The following SORCS2 variants were observed in gnomAD, a reference collection of about 807,000 sequenced individuals.
SORCS2 encodes VPS10 domain-containing receptor SorCS2.
Under a neutral mutation model 141.6 loss-of-function variants are expected in SORCS2, and 100 were observed. The ratio of observed to expected loss-of-function variants is 0.71; its 90% CI spans 0.60 to 0.83. The LOEUF is 0.83. SORCS2 is among the 40% of genes least tolerant of loss of function. The pLI is 0.00. For synonymous variants in SORCS2, 789 were observed against 676.9 expected, an observed-to-expected ratio of 1.17 and a Z score of -2.57; for missense variants, 1,646 against 1,560.2, an observed-to-expected ratio of 1.05 and a Z score of -0.93.
intron 2 of SORCS2, among the ~76,000 whole-genome samples, chr4:7,473,000 A>G (rs998648798): frequency 6.6e-6 from 1 of 152,052 alleles, no homozygotes; most frequent in Admixed American, 6.5e-5. Context: ...CAAAAATGGT[A>G]TGGAGCCCCT....
At chr4:7,306,338 A>C (rs1717831313) in intron 1 of SORCS2, among the ~76,000 whole-genome samples, 1 of 151,984 alleles carries the variant, frequency 6.6e-6, no homozygotes, top group Non-Finnish European at 1.5e-5. Context: ...ATCTGGAAGG[A>C]AGTCCAGAGT....
chr4:7,516,608 C>A (rs918699990), intron 2 of SORCS2, among the ~76,000 whole-genome samples: 1 of 151,284 alleles, frequency 6.6e-6, no homozygotes, highest in African/African-American at 2.5e-5. Flanking sequence ...TGGTGGAATG[C>A]CCTGGCCTTT....
intron 25 of SORCS2, among the ~76,000 whole-genome samples, chr4:7,736,169 G>A (rs528945011): frequency 2.2e-4 from 34 of 152,354 alleles, no homozygotes; most frequent in African/African-American, 7.5e-4. Flanking sequence ...GCTGGGCTGG[G>A]CAGCACTGAC....
At chr4:7,536,843 GGC>G (rs199853883) in intron 3 of SORCS2, among the ~76,000 whole-genome samples, 100,482 of 142,132 alleles carry the variant, frequency 0.71, 37,817 homozygotes, top group South Asian at 0.9. Context: ...GGGGGGGGGG[GGC>G]GGGCAGGGCC....
In SORCS2 at chr4:7,531,581, C is replaced by G. The variant is rs150440148; in HGVS notation, c.600C>G (p.Val200=). 1.2e-3 allele frequency: 1,876 copies of G among 1,613,900 alleles called. 20 individuals carry two copies. The African/African-American group carries it at 0.022, about 19-fold the overall frequency. Reference sequence around the variant, plus strand: ...CCAAGCTCACCCTCCAGCCTGGTGTCACCACCGTCATCGACAATTTCTACA... The same window carrying G: ...CCAAGCTCACCCTCCAGCCTGGTGTGACCACCGTCATCGACAATTTCTACA... ...SYTKLTLQPG[V]TTVIDNFYIC... The change falls in exon 3 of 27, where the codon GTC becomes GTG. Residue 200 remains valine (V), a synonymous_variant. Coordinates refer to ENST00000507866, the MANE Select transcript of SORCS2 (RefSeq NM_020777.3).
intron 2 of SORCS2, among the ~76,000 whole-genome samples, chr4:7,491,966 C>G (rs1268081970): frequency 5.3e-5 from 8 of 152,210 alleles, no homozygotes; most frequent in Non-Finnish European, 1.0e-4. Context: ...ACCACCCTTT[C>G]CATCCAGTCT....
At chr4:7,418,713 CA>C (rs1167253811) in intron 2 of SORCS2, among the ~76,000 whole-genome samples, 1,417 of 50,648 alleles carry the variant, frequency 0.028, 38 homozygotes, top group African/African-American at 0.071. Flanking sequence ...CCCCCCCCCC[CA>C]CCAGATTTGT....
At chr4:7,202,744 A>G (rs1242401836) in intron 1 of SORCS2, among the ~76,000 whole-genome samples, 2 of 152,194 alleles carry the variant, frequency 1.3e-5, no homozygotes, top group African/African-American at 4.8e-5. Context: ...TGCCGTGCAT[A>G]TTTCTGAAGC....
At chr4:7,620,438 A>G (rs1719087340) in intron 3 of SORCS2, among the ~76,000 whole-genome samples, 1 of 152,124 alleles carries the variant, frequency 6.6e-6, no homozygotes, top group Non-Finnish European at 1.5e-5. Context: ...AGCCCTGGCC[A>G]TTCACCCCCA....
intron 3 of SORCS2, among the ~76,000 whole-genome samples, chr4:7,603,953 T>C (rs980871396): frequency 6.6e-6 from 1 of 152,116 alleles, no homozygotes; most frequent in Non-Finnish European, 1.5e-5. Context: ...AAATAAAAAC[T>C]TACTAAGTTT....
At chr4:7,307,098 A>C (rs1203373377) in intron 1 of SORCS2, among the ~76,000 whole-genome samples, 1 of 152,106 alleles carries the variant, frequency 6.6e-6, no homozygotes, top group Non-Finnish European at 1.5e-5. Flanking sequence ...CTGGGGAGAG[A>C]CTAAAAGCTT....
intron 1 of SORCS2, among the ~76,000 whole-genome samples, chr4:7,387,465 A>C (rs1723452560): frequency 6.7e-6 from 1 of 149,126 alleles, no homozygotes; most frequent in Non-Finnish European, 1.5e-5. Flanking sequence ...ACACACAGAT[A>C]CAGAGATACA....
chr4:7,454,759 ACTGTGTTGGGGTCAGTG>A (rs1728755283), intron 2 of SORCS2, among the ~76,000 whole-genome samples: 1 of 73,240 alleles, frequency 1.4e-5, no homozygotes. Context: ...GGGGTCAGGC[ACTGTGTTGGGGTCAGTG>A]CTGTGTGTTG....
intron 3 of SORCS2, among the ~76,000 whole-genome samples, chr4:7,599,908 C>T (rs184147449): frequency 2.6e-5 from 4 of 151,786 alleles, no homozygotes; most frequent in East Asian, 1.9e-4. Flanking sequence ...ACTACAGCCT[C>T]CGCCTCCCAA....
intron 4 of SORCS2, among the ~76,000 whole-genome samples, chr4:7,650,044 G>A (rs1019658965): frequency 3.3e-5 from 5 of 152,200 alleles, no homozygotes; most frequent in Non-Finnish European, 5.9e-5. Flanking sequence ...GTCGGCTTGA[G>A]CCTTCCTTCC....
intron 1 of SORCS2, among the ~76,000 whole-genome samples, chr4:7,249,190 G>A (rs1713318348): frequency 6.6e-6 from 1 of 152,182 alleles, no homozygotes; most frequent in South Asian, 2.1e-4. Context: ...AGTCCTTTGA[G>A]GCTCAACCGG....
In SORCS2 at chr4:7,706,188, C is replaced by T. The variant is rs1247070337; in HGVS notation, c.1868+1904C>T. On this transcript the variant is annotated intron_variant, in intron 14 of 26. Transcript: ENST00000507866. ...TCTGGGCAGGGATGAGGCTGGGCTC[C>T]GTCTGGGCAGGGATGAGGCTGGGCT... 2.1e-3 allele frequency among the ~76,000 whole-genome samples: 152 copies of T among 71,244 alleles called. 1 individual carries two copies. The highest frequency in any genetic ancestry group is 3.1e-3 in the Admixed American group (20 of 6,414). The allele number at this position is 71,244 out of a possible 152,430, so 46.7% of individuals were successfully genotyped here.
At chr4:7,264,016 C>T (rs1229645422) in intron 1 of SORCS2, among the ~76,000 whole-genome samples, 2 of 152,194 alleles carry the variant, frequency 1.3e-5, no homozygotes, top group African/African-American at 2.4e-5. Context: ...CCAGTGTGTG[C>T]CAGGCCGAGT....
At chr4:7,652,813 C>T (rs531140719) in intron 4 of SORCS2, among the ~76,000 whole-genome samples, 20 of 152,272 alleles carry the variant, frequency 1.3e-4, no homozygotes, top group Admixed American at 5.9e-4. Flanking sequence ...TCATCTTATC[C>T]GGCCTTGGTT....
Sources: gnomAD v4.1 joint callset for allele counts (sites outside exome capture counted in the v4.1 genomes callset) on GRCh38, gnomAD v4.1.1 for gene constraint, MANE v1.5 for transcripts, NCBI Gene and HGNC (gene_info 2026-07-23, HGNC 2026-07-21) for gene names.